Variants in LOXL1 observed in about 807,000 individuals in gnomAD.
LOXL1 encodes the protein lysyl oxidase homolog 1.
A neutral mutation model predicts 62.2 loss-of-function variants in LOXL1; 31 were observed. The observed-to-expected ratio is 0.50, with a 90% CI of 0.37 to 0.67. The LOEUF (loss-of-function observed/expected upper bound fraction) is 0.67, where lower values mean the gene tolerates loss of function less well. Ranked by LOEUF, LOXL1 falls within the 30% of genes least tolerant of loss-of-function variation. The pLI is 0.00. For missense variants in LOXL1, 775 were observed against 843.4 expected (o/e 0.92, Z 1.00); for synonymous variants, 403 against 384.4 (o/e 1.05, Z -0.56).
At position 73,947,836 on chromosome 15, in the gene LOXL1, C is replaced by T; in HGVS notation, c.1536C>T (p.Tyr512=). The T allele has an allele frequency of 6.2e-7, 1 of 1,613,758 alleles. No homozygotes were observed. Among genetic ancestry groups the T allele is most frequent in the African/African-American group, 1.3e-5 (1 of 75,056 alleles). ...TGAGCCCAGGCTGCTATGACACCTA[C>T]AATGCGGACATCGACTGCCAGTGGA... ...QGLSPGCYDT[Y]NADIDCQWID... is the part of the protein sequence containing the mutation. Residue 512 remains tyrosine (Y), a synonymous_variant, in exon 5 of 7, where the codon TAC becomes TAT. Coordinates refer to ENST00000261921, the MANE Select transcript of LOXL1 (RefSeq NM_005576.4).
chr15:73,934,131 C>G (rs1320093508), intron 1 of LOXL1, among the ~76,000 whole-genome samples: 1 of 152,240 alleles, frequency 6.6e-6, no homozygotes, highest in Non-Finnish European at 1.5e-5. Flanking sequence ...CCATCCTTCC[C>G]CCTGCTTGTG....
chr15:73,938,309 A>ATCTATCTG (rs2068689673), intron 1 of LOXL1, among the ~76,000 whole-genome samples: 1 of 151,232 alleles, frequency 6.6e-6, no homozygotes, highest in African/African-American at 2.4e-5. Context: ...CTATCTATCT[A>ATCTATCTG]TCTATCTAGG....
intron 1 of LOXL1, among the ~76,000 whole-genome samples, chr15:73,933,605 G>A (rs1323356682): frequency 6.6e-6 from 1 of 152,212 alleles, no homozygotes; most frequent in African/African-American, 2.4e-5. Flanking sequence ...CCTCACTGCA[G>A]CATCCTCTGC....
rs1343165567 is a variant in LOXL1, at chr15:73,927,179, C to T, written c.396C>T (p.Ala132=). 2.6e-6 allele frequency: 4 copies of T among 1,546,802 alleles called. No homozygotes were observed. Among genetic ancestry groups the T allele is most frequent in the Non-Finnish European group, 3.5e-6 (4 of 1,148,572 alleles). ...GQVPDNWREV[A]VGDSTGMARA... is the part of the protein sequence containing the mutation. The stretch of plus-strand genomic sequence containing the variant: ...TGCCCGACAACTGGCGCGAGGTGGC[C>T]GTCGGGGACAGCACGGGCATGGCCC... Residue 132 remains alanine (A), a synonymous_variant, in exon 1 of 7, where the codon GCC becomes GCT. Transcript: ENST00000261921.
intron 1 of LOXL1, among the ~76,000 whole-genome samples, chr15:73,934,706 A>T (rs1030044949): frequency 2.6e-5 from 4 of 152,216 alleles, no homozygotes; most frequent in African/African-American, 7.2e-5. Flanking sequence ...AAAGAGACAA[A>T]ATTCTTGCCC....
intron 2 of LOXL1, among the ~76,000 whole-genome samples, chr15:73,943,420 T>C (rs1595847766): frequency 6.6e-6 from 1 of 152,180 alleles, no homozygotes; most frequent in Non-Finnish European, 1.5e-5. Flanking sequence ...CCCAGGAGTA[T>C]GGAGCCATGT....
At chr15:73,946,829 A>G (rs2068750960) in intron 3 of LOXL1, among the ~76,000 whole-genome samples, 1 of 152,266 alleles carries the variant, frequency 6.6e-6, no homozygotes, top group Non-Finnish European at 1.5e-5. Flanking sequence ...TGAGGCCATT[A>G]CAGGTGGGAG....
chr15:73,928,071 G>C, intron 1 of LOXL1, 186 bp downstream of exon 1: 1 of 460,060 alleles, frequency 2.2e-6, no homozygotes, highest in Non-Finnish European at 3.6e-6. Context: ...TCACCTCCCA[G>C]CTTAACCCGC....
chr15:73,936,800 A>G lies in LOXL1; in HGVS notation c.1103-6054A>G, dbSNP rs531762296. ...GCAGGAGGGAACAGATTTCTAATGA[A>G]GCAGGAAGGATTTAGGTCAGAAGGT... On this transcript the variant is annotated intron_variant, in intron 1 of 6. Coordinates refer to ENST00000261921, the MANE Select transcript of LOXL1 (RefSeq NM_005576.4). Among the ~76,000 whole-genome samples the G allele has an allele frequency of 3.3e-5, 5 of 152,376 alleles. No individual in the cohort carries two copies. In the East Asian group the frequency reaches 9.6e-4, roughly 29 times the overall value.
In LOXL1 at chr15:73,931,215, C is replaced by T. The variant is rs139709392; in HGVS notation, c.1102+3330C>T. 7.3e-3 allele frequency among the ~76,000 whole-genome samples: 1,109 copies of T among 152,196 alleles called. 18 individuals are homozygous for T. Among genetic ancestry groups the T allele is most frequent in the African/African-American group, 0.025 (1,039 of 41,522 alleles). ...ACATGGAACAGGCAGCCCTGGGCAT[C>T]CTCCCAGGGCATCTTGGATGGCTGT... On this transcript the variant is annotated intron_variant, in intron 1 of 6. Transcript: ENST00000261921.
At chr15:73,944,277 T>C (rs562784899) in intron 2 of LOXL1, among the ~76,000 whole-genome samples, 2 of 152,176 alleles carry the variant, frequency 1.3e-5, no homozygotes, top group Non-Finnish European at 2.9e-5. Flanking sequence ...TTAGTCAAAG[T>C]CAAACTATTA....
chr15:73,927,307 A>C lies in LOXL1; in HGVS notation c.524A>C (p.Gln175Pro). ...STYRQQPSYP[Q>P]QFPYPQAPFV... ...TACCGCCAGCAGCCCTCCTACCCGC[A>C]GCAGTTCCCCTACCCGCAGGCGCCC... Residue 175 changes from glutamine to proline, a missense_variant, in exon 1 of 7, where the codon CAG becomes CCG. Coordinates refer to ENST00000261921, the MANE Select transcript of LOXL1 (RefSeq NM_005576.4). The C allele has an allele frequency of 6.2e-7, 1 of 1,603,176 alleles. No homozygotes were observed. The highest frequency in any genetic ancestry group is 8.5e-7 in the Non-Finnish European group (1 of 1,176,746).
intron 1 of LOXL1, among the ~76,000 whole-genome samples, chr15:73,938,304 T>G (rs1199579884): frequency 6.6e-6 from 1 of 151,356 alleles, no homozygotes; most frequent in African/African-American, 2.4e-5. Context: ...TCTATCTATC[T>G]ATCTATCTAT....
Position 73,952,086 on chromosome 15 carries a change from C to G in LOXL1, c.*249C>G. 1 of 391,558 alleles carries G rather than the reference C, an allele frequency of 2.6e-6. No homozygotes were observed. The highest frequency in any genetic ancestry group is 4.5e-6 in the Non-Finnish European group (1 of 220,962). The allele number at this position is 391,558 out of a possible 1,614,324, so 24.3% of individuals were successfully genotyped here. A position where few individuals can be genotyped will look rare whatever the true frequency, so the allele number is the denominator to read the frequency against. On this transcript the variant is annotated 3_prime_UTR_variant, in exon 7 of 7. Coordinates refer to ENST00000261921, the MANE Select transcript of LOXL1 (RefSeq NM_005576.4). ...TTTTATTTTTTATACTTTGGCCATA[C>G]CACAGAGCTAGATTGCCCAGGTCTG...
intron 3 of LOXL1, 104 bp downstream of exon 3, chr15:73,946,658 A>T (rs1246117153): frequency 1.5e-6 from 2 of 1,367,408 alleles, no homozygotes; most frequent in Non-Finnish European, 2.0e-6. Flanking sequence ...GGAGACACAG[A>T]TACTGGATTA....
Position 73,927,110 on chromosome 15 carries a change from C to A in LOXL1, c.327C>A (p.Asp109Glu). ...SLPLPGRVGS[D>E]TVRGQARHPF... ...CCCTGCCGGGGCGCGTGGGCTCGGA[C>A]ACCGTGCGCGGCCAGGCGCGGCACC... Residue 109 changes from aspartate to glutamate, a missense_variant, in exon 1 of 7, where the codon GAC becomes GAA. Asp to Glu is a conservative substitution (Grantham distance 45). Coordinates refer to ENST00000261921, the MANE Select transcript of LOXL1 (RefSeq NM_005576.4). 7.4e-7 allele frequency: 1 copy of A among 1,350,416 alleles called. No homozygotes were observed. The highest frequency in any genetic ancestry group is 9.6e-7 in the Non-Finnish European group (1 of 1,045,832). The allele number at this position is 1,350,416 out of a possible 1,614,324, so 83.7% of individuals were successfully genotyped here. A position where few individuals can be genotyped will look rare whatever the true frequency, so the allele number is the denominator to read the frequency against.
Position 73,926,528 on chromosome 15 carries a change from G to A in LOXL1, c.-256G>A, listed in dbSNP as rs1316489053. On this transcript the variant is annotated 5_prime_UTR_variant, in exon 1 of 7. Coordinates refer to ENST00000261921, the MANE Select transcript of LOXL1 (RefSeq NM_005576.4). Reference sequence around the variant, plus strand: ...GGGGCTGGCCATGTAAGGCCCACAGGCGGTCCTGCCCGCCCGGTGCCCTGC... The same window carrying A: ...GGGGCTGGCCATGTAAGGCCCACAGACGGTCCTGCCCGCCCGGTGCCCTGC... 1 of 382,828 alleles carries A rather than the reference G, an allele frequency of 2.6e-6. No homozygotes were observed. Among genetic ancestry groups the A allele is most frequent in the Non-Finnish European group, 4.6e-6 (1 of 216,474 alleles). 23.7% of individuals were successfully genotyped at this position (382,828 alleles called of 1,614,324 possible). A position where few individuals can be genotyped will look rare whatever the true frequency, so the allele number is the denominator to read the frequency against.
At chr15:73,944,907 C>T (rs2068737603) in intron 2 of LOXL1, among the ~76,000 whole-genome samples, 1 of 152,216 alleles carries the variant, frequency 6.6e-6, no homozygotes, top group Non-Finnish European at 1.5e-5. Context: ...GACATTCTCT[C>T]AAAGAGAGCG....
At position 73,951,972 on chromosome 15, in the gene LOXL1, G is replaced by T. The variant is rs534579793; in HGVS notation, c.*135G>T. 7 of 645,850 alleles carry T rather than the reference G, an allele frequency of 1.1e-5. No individual in the cohort carries two copies. Among genetic ancestry groups the T allele is most frequent in the Non-Finnish European group, 1.6e-5 (7 of 434,602 alleles). The allele number at this position is 645,850 out of a possible 1,614,324, so 40.0% of individuals were successfully genotyped here. On this transcript the variant is annotated 3_prime_UTR_variant, in exon 7 of 7. Transcript: ENST00000261921. ...TCCCTCCCTGCCGGCCTCAGGGAGC[G>T]AACGTGGATGAAAACCACAGGGATT...
Sources: allele counts gnomAD v4.1 joint callset (sites outside exome capture counted in the v4.1 genomes callset), GRCh38; gene constraint gnomAD v4.1.1; transcripts MANE v1.5; gene names NCBI Gene and HGNC (gene_info 2026-07-23, HGNC 2026-07-21).